Variants in MNAT1 observed in about 807,000 individuals in gnomAD.
MNAT1 encodes CDK-activating kinase assembly factor MAT1.
In MNAT1, 43 loss-of-function variants were observed where a neutral mutation model predicts 42.0. The ratio of observed to expected loss-of-function variants is 1.02; its 90% CI spans 0.80 to 1.32. The LOEUF is 1.32. Among genes scored for constraint, MNAT1 ranks in the 40% most tolerant of loss-of-function variants. The pLI is 0.00. For synonymous variants in MNAT1, 118 were observed against 120.0 expected, an observed-to-expected ratio of 0.98 and a Z score of 0.11; for missense variants, 306 against 350.4, an observed-to-expected ratio of 0.87 and a Z score of 1.01.
chr14:60,809,931 G>C (rs1296201120), intron 4 of MNAT1, among the ~76,000 whole-genome samples: 4 of 152,060 alleles, frequency 2.6e-5, no homozygotes, highest in African/African-American at 9.7e-5. Flanking sequence ...GAGAAGGATT[G>C]ATATTAATTC....
In MNAT1 at chr14:60,818,704, C is replaced by T. The variant is rs1361319259; in HGVS notation, c.562-18C>T. 2.6e-6 allele frequency: 4 copies of T among 1,541,968 alleles called. No individual in the cohort carries two copies. The highest frequency in any genetic ancestry group is 3.5e-6 in the Non-Finnish European group (4 of 1,142,106). ...TTCCCTTTTTACATTTCTTATTGAA[C>T]TTGAACTATTCTTACAGGAGAGTTC... is the stretch of plus-strand genomic sequence containing the variant. On this transcript the variant is annotated intron_variant, in intron 5 of 7. Transcript: ENST00000261245.
chr14:60,913,837 A>C (rs2139534387), intron 7 of MNAT1, among the ~76,000 whole-genome samples: 1 of 152,298 alleles, frequency 6.6e-6, no homozygotes, highest in East Asian at 1.9e-4. Context: ...TGGAAGAACC[A>C]CTACTCTCTT....
At chr14:60,946,525 TG>T (rs1042436786) in intron 7 of MNAT1, among the ~76,000 whole-genome samples, 47 of 152,216 alleles carry the variant, frequency 3.1e-4, no homozygotes, top group African/African-American at 1.1e-3. Context: ...TTTTTGTTTT[TG>T]TTTTTGTTTT....
intron 7 of MNAT1, among the ~76,000 whole-genome samples, chr14:60,910,461 T>C (rs915315707): frequency 1.4e-4 from 22 of 152,198 alleles, no homozygotes; most frequent in Admixed American, 1.2e-3. Flanking sequence ...GGCTGTGGGT[T>C]TGTCATAGAT....
At chr14:60,944,756 G>A (rs1354751977) in intron 7 of MNAT1, among the ~76,000 whole-genome samples, 1 of 152,082 alleles carries the variant, frequency 6.6e-6, no homozygotes, top group Non-Finnish European at 1.5e-5. Flanking sequence ...CAAGATTTTG[G>A]TAAGCGAGGC....
intron 7 of MNAT1, among the ~76,000 whole-genome samples, chr14:60,883,536 T>G (rs1403541553): frequency 6.6e-6 from 1 of 152,110 alleles, no homozygotes; most frequent in Non-Finnish European, 1.5e-5. Context: ...TCTTTAAAGT[T>G]TCTTTAAAGA....
intron 7 of MNAT1, among the ~76,000 whole-genome samples, chr14:60,932,275 A>C (rs2035905416): frequency 6.6e-6 from 1 of 152,024 alleles, no homozygotes; most frequent in African/African-American, 2.4e-5. Context: ...TTTAGAGAAT[A>C]ATATTTAGTT....
chr14:60,899,571 T>C (rs2035030520), intron 7 of MNAT1, among the ~76,000 whole-genome samples: 1 of 152,160 alleles, frequency 6.6e-6, no homozygotes. Context: ...GAAGAAAATT[T>C]CTTGTTTGAT....
chr14:60,778,907 C>T (rs142129932), intron 1 of MNAT1, among the ~76,000 whole-genome samples: 367 of 152,294 alleles, frequency 2.4e-3, no homozygotes, highest in Non-Finnish European at 3.9e-3. Context: ...TAGGAGTGGT[C>T]TCATTTACTA....
chr14:60,790,659 G>A (rs1054205565), intron 1 of MNAT1, among the ~76,000 whole-genome samples: 2 of 152,182 alleles, frequency 1.3e-5, no homozygotes, highest in African/African-American at 4.8e-5. Flanking sequence ...CCTCCTGAGG[G>A]TGTGTCCTTA....
chr14:60,848,729 A>C (rs2033742455), intron 6 of MNAT1, among the ~76,000 whole-genome samples: 1 of 152,172 alleles, frequency 6.6e-6, no homozygotes, highest in Non-Finnish European at 1.5e-5. Context: ...ACATAAAAAC[A>C]CATATAAAAA....
chr14:60,746,527 AG>A (rs1896621541), intron 1 of MNAT1, among the ~76,000 whole-genome samples: 1 of 150,598 alleles, frequency 6.6e-6, no homozygotes, highest in South Asian at 2.1e-4. Flanking sequence ...AAAAAAAAAA[AG>A]AAGAAAAAAT....
intron 6 of MNAT1, among the ~76,000 whole-genome samples, chr14:60,823,541 A>G (rs115627853): frequency 5.9e-5 from 9 of 152,096 alleles, no homozygotes; most frequent in Non-Finnish European, 8.8e-5. Flanking sequence ...TTCTTGCATC[A>G]TTACCTTTTA....
chr14:60,883,001 T>G (rs769750175), intron 7 of MNAT1, among the ~76,000 whole-genome samples: 4 of 152,150 alleles, frequency 2.6e-5, no homozygotes, highest in Non-Finnish European at 4.4e-5. Context: ...GTCAGATGGG[T>G]AGTTTGAAAA....
At chr14:60,806,974 A>T (rs2032390715) in intron 3 of MNAT1, among the ~76,000 whole-genome samples, 1 of 152,170 alleles carries the variant, frequency 6.6e-6, no homozygotes. Context: ...CCCACATTGC[A>T]TCCTAGCCAG....
At chr14:60,802,996 G>A (rs1338681432) in intron 3 of MNAT1, among the ~76,000 whole-genome samples, 1 of 148,032 alleles carries the variant, frequency 6.8e-6, no homozygotes, top group Non-Finnish European at 1.5e-5. Context: ...GTAGTGGCAC[G>A]ATCTCGGCTC....
At chr14:60,832,042 T>G (rs148203656) in intron 6 of MNAT1, among the ~76,000 whole-genome samples, 7 of 152,222 alleles carry the variant, frequency 4.6e-5, no homozygotes, top group Non-Finnish European at 8.8e-5. Flanking sequence ...TTTTTTCTTG[T>G]AAATTTGTGT....
At chr14:60,890,888 A>G (rs1237503810) in intron 7 of MNAT1, among the ~76,000 whole-genome samples, 1 of 152,162 alleles carries the variant, frequency 6.6e-6, no homozygotes, top group Non-Finnish European at 1.5e-5. Context: ...ACCCTCACAG[A>G]CACACCCAGG....
intron 1 of MNAT1, among the ~76,000 whole-genome samples, chr14:60,739,232 A>G (rs1316950931): frequency 6.6e-6 from 1 of 152,162 alleles, no homozygotes; most frequent in African/African-American, 2.4e-5. Context: ...GAAGCTGTAG[A>G]GCCTTTTAAA....
Sources: allele counts gnomAD v4.1 joint callset (sites outside exome capture counted in the v4.1 genomes callset), GRCh38; gene constraint gnomAD v4.1.1; transcripts MANE v1.5; gene names NCBI Gene and HGNC (gene_info 2026-07-23, HGNC 2026-07-21).